Variants in CSMD1 observed in about 807,000 individuals in gnomAD.
The protein encoded by CSMD1 is CUB and sushi domain-containing protein 1.
In CSMD1, 213 loss-of-function variants were observed where a neutral mutation model predicts 417.5. The ratio of observed to expected loss-of-function variants is 0.51; its 90% CI spans 0.46 to 0.57. The LOEUF (loss-of-function observed/expected upper bound fraction) is 0.57. CSMD1 is among the 20% of genes least tolerant of loss of function. The probability of loss-of-function intolerance (pLI) is 0.00; values close to 1 mark genes in which losing one functional copy is unlikely to be tolerated. For synonymous variants in CSMD1, 2,862 were observed against 1,736.8 expected (o/e 1.65, Z -16.11); for missense variants, 6,923 against 4,529.7 (o/e 1.53, Z -15.17).
rs1172040830 is a variant in CSMD1 at position 3,268,287 on chromosome 8, C to CTTTTTTTTTTTTTTTTTTTTTTTTTTT, written c.4153+15856_4153+15857insAAAAAAAAAAAAAAAAAAAAAAAAAAA. Among the ~76,000 whole-genome samples, 4 of 114,652 alleles carry CTTTTTTTTTTTTTTTTTTTTTTTTTTT rather than the reference C, an allele frequency of 3.5e-5. 1 individual carries two copies. Among genetic ancestry groups the CTTTTTTTTTTTTTTTTTTTTTTTTTTT allele is most frequent in the Non-Finnish European group, 5.2e-5 (3 of 58,094 alleles). 75.2% of individuals were successfully genotyped at this position (114,652 alleles called of 152,430 possible). On this transcript the variant is annotated intron_variant, in intron 26 of 69. Coordinates refer to ENST00000635120, the MANE Select transcript of CSMD1 (RefSeq NM_033225.6). The stretch of plus-strand genomic sequence containing the variant: ...AGGGTGTGGTCAGATGGTTCATTTC[C>CTTTTTTTTTTTTTTTTTTTTTTTTTTT]TATTTTTTTTTTTTTTTTTTTTTTT...
intron 3 of CSMD1, among the ~76,000 whole-genome samples, chr8:4,228,707 G>C (rs897003316): frequency 6.6e-6 from 1 of 150,786 alleles, no homozygotes; most frequent in Non-Finnish European, 1.5e-5. Flanking sequence ...TTCTTGAGAT[G>C]GAGTCTACCT....
intron 1 of CSMD1, among the ~76,000 whole-genome samples, chr8:4,827,293 GC>G (rs1020595190): frequency 3.3e-5 from 5 of 151,970 alleles, no homozygotes; most frequent in African/African-American, 9.7e-5. Context: ...CATGTTTCAA[GC>G]AGAAAGACCA....
At chr8:3,279,167 A>G (rs1249386871) in intron 26 of CSMD1, 1 of 152,176 alleles carries the variant, frequency 6.6e-6, no homozygotes, top group Non-Finnish European at 1.5e-5. Flanking sequence ...TGAGATCCTT[A>G]GAGAGAAACA....
intron 18 of CSMD1, among the ~76,000 whole-genome samples, chr8:3,378,867 A>G (rs994837256): frequency 1.3e-5 from 2 of 152,214 alleles, no homozygotes; most frequent in Non-Finnish European, 2.9e-5. Flanking sequence ...CACCACTCCT[A>G]TTCAACACAG....
At chr8:3,325,493 C>G (rs1806465377) in intron 23 of CSMD1, among the ~76,000 whole-genome samples, 1 of 152,222 alleles carries the variant, frequency 6.6e-6, no homozygotes, top group African/African-American at 2.4e-5. Context: ...TGGTGGCCAA[C>G]AACTTATTCC....
At chr8:3,250,238 G>A (rs1800164970) in intron 26 of CSMD1, among the ~76,000 whole-genome samples, 2 of 152,102 alleles carry the variant, frequency 1.3e-5, no homozygotes. Context: ...GCCCCAGTGT[G>A]TGATGTTTCC....
At chr8:4,223,198 A>G (rs897685001) in intron 3 of CSMD1, among the ~76,000 whole-genome samples, 8 of 151,974 alleles carry the variant, frequency 5.3e-5, no homozygotes, top group Non-Finnish European at 1.2e-4. Flanking sequence ...TCACTTCTGC[A>G]CCCCGAGAAA....
At chr8:4,738,497 A>T (rs1293765938) in intron 1 of CSMD1, among the ~76,000 whole-genome samples, 3 of 152,092 alleles carry the variant, frequency 2.0e-5, no homozygotes, top group Non-Finnish European at 4.4e-5. Context: ...AGGATGGGGA[A>T]AATCACCTCC....
chr8:4,004,420 C>CTT (rs5889009), intron 4 of CSMD1, among the ~76,000 whole-genome samples: 24 of 139,380 alleles, frequency 1.7e-4, no homozygotes, highest in African/African-American at 6.0e-4. Context: ...TGCCATGAAT[C>CTT]TTTTTTTTTT....
intron 3 of CSMD1, among the ~76,000 whole-genome samples, chr8:4,391,406 G>C (rs1281543411): frequency 6.6e-6 from 1 of 152,070 alleles, no homozygotes; most frequent in Non-Finnish European, 1.5e-5. Flanking sequence ...TTGAAGACTA[G>C]GCTTTCAGAG....
At chr8:3,802,808 C>A (rs192266750) in intron 5 of CSMD1, among the ~76,000 whole-genome samples, 3 of 152,076 alleles carry the variant, frequency 2.0e-5, no homozygotes, top group Non-Finnish European at 2.9e-5. Context: ...AAGAAATGTT[C>A]GATTCGTTTC....
intron 1 of CSMD1, among the ~76,000 whole-genome samples, chr8:4,750,160 C>T (rs886251476): frequency 1.2e-4 from 18 of 152,172 alleles, no homozygotes; most frequent in South Asian, 1.0e-3. Flanking sequence ...CGCCCGCCAC[C>T]ACGCCCGGCT....
chr8:3,713,750 T>G (rs2623577), intron 6 of CSMD1, among the ~76,000 whole-genome samples: 1 of 152,070 alleles, frequency 6.6e-6, no homozygotes, highest in African/African-American at 2.4e-5. Context: ...GGAGATGCCA[T>G]TGCAAATCCT....
chr8:3,914,693 G>A (rs899158579), intron 5 of CSMD1, among the ~76,000 whole-genome samples: 13 of 152,036 alleles, frequency 8.6e-5, no homozygotes, highest in African/African-American at 3.1e-4. Flanking sequence ...TTGTCAAGTT[G>A]AAAGATGTCT....
At chr8:3,783,068 G>C (rs1584991115) in intron 5 of CSMD1, among the ~76,000 whole-genome samples, 1 of 152,030 alleles carries the variant, frequency 6.6e-6, no homozygotes, top group Non-Finnish European at 1.5e-5. Flanking sequence ...TTGAAAGCAA[G>C]TCCCCATCTC....
At chr8:4,621,159 T>C (rs9650517) in intron 2 of CSMD1, among the ~76,000 whole-genome samples, 16 of 152,072 alleles carry the variant, frequency 1.1e-4, no homozygotes, top group Admixed American at 3.3e-4. Flanking sequence ...TTTTCGAATT[T>C]TGGAATATAT....
At chr8:4,435,574 C>T (rs1245758094) in intron 2 of CSMD1, among the ~76,000 whole-genome samples, 2 of 152,202 alleles carry the variant, frequency 1.3e-5, no homozygotes, top group Admixed American at 6.5e-5. Flanking sequence ...GTCATGCTCC[C>T]TTCCAGGAAT....
intron 8 of CSMD1, among the ~76,000 whole-genome samples, chr8:3,588,136 T>C (rs1584927739): frequency 6.6e-6 from 1 of 152,198 alleles, no homozygotes; most frequent in African/African-American, 2.4e-5. Context: ...AGTCTCCAGT[T>C]CTTTCTGTTT....
chr8:3,205,108 T>C (rs1797179516), intron 31 of CSMD1, among the ~76,000 whole-genome samples: 1 of 152,212 alleles, frequency 6.6e-6, no homozygotes, highest in African/African-American at 2.4e-5. Flanking sequence ...ATGATCTGGT[T>C]ACTGAGTTCA....
Sources: gnomAD v4.1 joint callset for allele counts (sites outside exome capture counted in the v4.1 genomes callset) on GRCh38, gnomAD v4.1.1 for gene constraint, MANE v1.5 for transcripts, NCBI Gene and HGNC (gene_info 2026-07-23, HGNC 2026-07-21) for gene names.